Variants in TRAPPC9 observed in about 807,000 individuals in gnomAD.
TRAPPC9 encodes the protein IKK2 binding protein.
TRAPPC9 carries 83 observed loss-of-function variants against 124.0 expected under a neutral mutation model. The observed-to-expected ratio is 0.67, with a 90% CI of 0.56 to 0.80. The LOEUF (loss-of-function observed/expected upper bound fraction) is 0.80, where lower values mean the gene tolerates loss of function less well. TRAPPC9 is among the 30% of genes least tolerant of loss of function. The pLI is 0.00. For synonymous variants in TRAPPC9, 638 were observed against 617.5 expected (o/e 1.03, Z -0.49); for missense variants, 1,302 against 1,508.3 (o/e 0.86, Z 2.27).
At chr8:139,803,799 C>T (rs1823735154) in intron 21 of TRAPPC9, among the ~76,000 whole-genome samples, 1 of 152,220 alleles carries the variant, frequency 6.6e-6, no homozygotes, top group South Asian at 2.1e-4. Context: ...TTCTCAGAAT[C>T]TGCTGCTCCA....
intron 20 of TRAPPC9, among the ~76,000 whole-genome samples, chr8:139,899,263 AAACTT>A: frequency 6.6e-6 from 1 of 152,198 alleles, no homozygotes; most frequent in Non-Finnish European, 1.5e-5. Flanking sequence ...GACTCCACCA[AAACTT>A]AACTACTAAT....
chr8:140,107,785 G>C (rs560553223), intron 17 of TRAPPC9, among the ~76,000 whole-genome samples: 15 of 152,244 alleles, frequency 9.9e-5, no homozygotes, highest in Non-Finnish European at 1.9e-4. Context: ...TTGTAAGGGA[G>C]ATGGGAAGGC....
At chr8:139,734,230 A>G (rs1439298164) in intron 21 of TRAPPC9, among the ~76,000 whole-genome samples, 1 of 152,236 alleles carries the variant, frequency 6.6e-6, no homozygotes, top group Non-Finnish European at 1.5e-5. Flanking sequence ...CTCCTGGGAC[A>G]TCAGTGCTCT....
chr8:139,893,678 A>G (rs1458563297), intron 20 of TRAPPC9, among the ~76,000 whole-genome samples: 3 of 152,268 alleles, frequency 2.0e-5, no homozygotes, highest in Non-Finnish European at 4.4e-5. Flanking sequence ...CTTCACCAGC[A>G]GTGCACCCAC....
At chr8:139,994,954 C>A (rs1837871612) in intron 18 of TRAPPC9, among the ~76,000 whole-genome samples, 2 of 147,414 alleles carry the variant, frequency 1.4e-5, no homozygotes, top group Non-Finnish European at 3.0e-5. Flanking sequence ...GAGTTTTAAG[C>A]AGATGAGTGA....
intron 18 of TRAPPC9, among the ~76,000 whole-genome samples, chr8:140,022,905 C>T (rs1283827371): frequency 6.6e-6 from 1 of 152,184 alleles, no homozygotes; most frequent in Admixed American, 6.5e-5. Context: ...ACAAGTCTTT[C>T]CTATAAACTA....
At chr8:140,215,628 A>G (rs2063172699) in intron 17 of TRAPPC9, among the ~76,000 whole-genome samples, 1 of 150,410 alleles carries the variant, frequency 6.6e-6, no homozygotes, top group Non-Finnish European at 1.5e-5. Flanking sequence ...CCTGAGCGAC[A>G]GAGCAAAACT....
intron 20 of TRAPPC9, among the ~76,000 whole-genome samples, chr8:139,906,465 TG>T (rs1360218167): frequency 6.6e-6 from 1 of 151,864 alleles, no homozygotes; most frequent in Non-Finnish European, 1.5e-5. Flanking sequence ...CAATCACACG[TG>T]GGGTCTGAGG....
chr8:140,070,945 A>G (rs73725388), intron 17 of TRAPPC9, among the ~76,000 whole-genome samples: 9,557 of 152,234 alleles, frequency 0.063, 577 homozygotes, highest in African/African-American at 0.16. Context: ...TGTGAAGCAG[A>G]GGGACGGGGG....
At chr8:140,159,834 C>T (rs1430515972) in intron 17 of TRAPPC9, among the ~76,000 whole-genome samples, 1 of 152,224 alleles carries the variant, frequency 6.6e-6, no homozygotes, top group Non-Finnish European at 1.5e-5. Flanking sequence ...CCTGCCACCG[C>T]ATCGACCACG....
intron 19 of TRAPPC9, among the ~76,000 whole-genome samples, chr8:139,965,441 G>A (rs565516940): frequency 2.6e-5 from 4 of 152,282 alleles, no homozygotes; most frequent in East Asian, 1.9e-4. Context: ...GTCTGCACAC[G>A]TCCTCCTCAG....
chr8:140,232,615 C>T (rs781279269), intron 16 of TRAPPC9, among the ~76,000 whole-genome samples: 5 of 152,166 alleles, frequency 3.3e-5, no homozygotes, highest in Non-Finnish European at 7.3e-5. Flanking sequence ...AGACATTCAA[C>T]GTCACTGCGC....
Position 139,865,041 on chromosome 8 carries a change from G to A in TRAPPC9, c.3055+20838C>T, listed in dbSNP as rs140915761. Among the ~76,000 whole-genome samples the A allele has an allele frequency of 1.2e-4, 19 of 152,280 alleles. No homozygotes were observed. In the East Asian group the frequency reaches 3.1e-3, roughly 25 times the overall value. On this transcript the variant is annotated intron_variant, in intron 21 of 22. Coordinates refer to ENST00000438773, the MANE Select transcript of TRAPPC9 (RefSeq NM_001160372.4). ...ATTCACATCTGCACTCATTAGCACC[G>A]GTTCAAGCCAGCGGTCTACATTCTC...
At chr8:140,050,646 C>A (rs527244685) in intron 17 of TRAPPC9, among the ~76,000 whole-genome samples, 1 of 152,140 alleles carries the variant, frequency 6.6e-6, no homozygotes, top group Non-Finnish European at 1.5e-5. Context: ...AGCACCTCCA[C>A]CCGGGGCACA....
chr8:140,270,032 G>A (rs1267264149), intron 15 of TRAPPC9, among the ~76,000 whole-genome samples: 2 of 152,030 alleles, frequency 1.3e-5, no homozygotes, highest in Admixed American at 6.5e-5. Flanking sequence ...CCTGGGAGGC[G>A]GAGGTTGCAG....
At chr8:139,835,297 C>T (rs1049507542) in intron 21 of TRAPPC9, among the ~76,000 whole-genome samples, 1 of 152,204 alleles carries the variant, frequency 6.6e-6, no homozygotes, top group Non-Finnish European at 1.5e-5. Context: ...TTACATACTG[C>T]GTTGTGCACA....
At chr8:140,329,671 T>C (rs917430299) in intron 9 of TRAPPC9, among the ~76,000 whole-genome samples, 12 of 152,222 alleles carry the variant, frequency 7.9e-5, no homozygotes, top group African/African-American at 2.7e-4. Flanking sequence ...TATTGCTCTT[T>C]CTACCATATT....
intron 19 of TRAPPC9, among the ~76,000 whole-genome samples, chr8:139,938,798 A>G (rs1833709026): frequency 6.7e-6 from 1 of 150,324 alleles, no homozygotes. Context: ...GGCGCCCGCC[A>G]CCACGCCCGG....
At chr8:139,965,989 A>C (rs1835682970) in intron 19 of TRAPPC9, among the ~76,000 whole-genome samples, 1 of 152,238 alleles carries the variant, frequency 6.6e-6, no homozygotes, top group Non-Finnish European at 1.5e-5. Flanking sequence ...AGGCTTTGCA[A>C]GGGGAAAATG....
Sources: gnomAD v4.1 joint callset for allele counts (sites outside exome capture counted in the v4.1 genomes callset) on GRCh38, gnomAD v4.1.1 for gene constraint, MANE v1.5 for transcripts, NCBI Gene and HGNC (gene_info 2026-07-23, HGNC 2026-07-21) for gene names.